Variants in CALCR observed in about 807,000 individuals in gnomAD.
CALCR encodes the protein calcitonin receptor.
In CALCR, 47 loss-of-function variants were observed where a neutral mutation model predicts 59.5. That is an observed-to-expected ratio of 0.79 (90% CI 0.63 to 1.01). The LOEUF (loss-of-function observed/expected upper bound fraction) is 1.01, where lower values mean the gene tolerates loss of function less well. CALCR is among the 50% of genes least tolerant of loss of function. The pLI is 0.00. For missense variants in CALCR, 566 were observed against 597.1 expected (o/e 0.95, Z 0.54); for synonymous variants, 213 against 211.3 (o/e 1.01, Z -0.07).
intron 2 of CALCR, among the ~76,000 whole-genome samples, chr7:93,522,774 T>C (rs982724234): frequency 6.6e-6 from 1 of 152,168 alleles, no homozygotes; most frequent in Non-Finnish European, 1.5e-5. Flanking sequence ...TTTTGTACAG[T>C]TCCTCTCATG....
chr7:93,551,431 A>G (rs1789455378), intron 2 of CALCR, among the ~76,000 whole-genome samples: 1 of 152,212 alleles, frequency 6.6e-6, no homozygotes, highest in Non-Finnish European at 1.5e-5. Context: ...TTTTGATTAC[A>G]TGATTCACAT....
At chr7:93,480,662 G>A (rs376201006) in intron 3 of CALCR, among the ~76,000 whole-genome samples, 3 of 151,694 alleles carry the variant, frequency 2.0e-5, no homozygotes, top group African/African-American at 4.8e-5. Context: ...TGTCCTACAC[G>A]ACAGCACATC....
rs868547013 is a variant in CALCR, at chr7:93,448,164, C to T, written c.649-4407G>A. 4.6e-5 allele frequency among the ~76,000 whole-genome samples: 7 copies of T among 152,048 alleles called. No homozygotes were observed. The East Asian group carries it at 7.8e-4, about 17-fold the overall frequency. On this transcript the variant is annotated intron_variant, in intron 8 of 13. Coordinates refer to ENST00000426151, the MANE Select transcript of CALCR (RefSeq NM_001742.4). ...TATACTTAATTCTCATGATACATTTCGTGTGCACAAAAACTCTTAGCTTTC... is the reference window on the plus strand; with the variant it reads ...TATACTTAATTCTCATGATACATTTTGTGTGCACAAAAACTCTTAGCTTTC...
intron 2 of CALCR, chr7:93,495,982 TA>T: frequency 7.0e-7 from 1 of 1,428,908 alleles, no homozygotes; most frequent in South Asian, 1.3e-5. Context: ...ATTCTGTGAA[TA>T]AATAAAATGA....
rs1491408851 is a variant in CALCR at position 93,460,555 on chromosome 7, A to AAG, written c.648+265_648+266insCT. On this transcript the variant is annotated intron_variant, in intron 8 of 13. Coordinates refer to ENST00000426151, the MANE Select transcript of CALCR (RefSeq NM_001742.4). ...TGGGCAACAGAGTGAGACTCTATCT[A>AAG]AAAAAAAAAAAAAAAAAATATATAT... Among the ~76,000 whole-genome samples the AAG allele has an allele frequency of 1.5e-3, 124 of 80,114 alleles. 4 individuals are homozygous for AAG. The highest frequency in any genetic ancestry group is 0.011 in the African/African-American group (113 of 10,112). 52.6% of individuals were successfully genotyped at this position (80,114 alleles called of 152,430 possible).
chr7:93,441,547 G>T, intron 9 of CALCR: 1 of 414,510 alleles, frequency 2.4e-6, no homozygotes. Flanking sequence ...TGGAAGGCTG[G>T]GGCTAAAAGA....
chr7:93,431,597 C>T lies in CALCR; in HGVS notation c.1191+2656G>A, dbSNP rs533553168. The stretch of plus-strand genomic sequence containing the variant: ...CATTAAAACTTGGTAGCCAGTTGCT[C>T]TTTTGGACAAAGGCTTTTTGAATTG... On this transcript the variant is annotated intron_variant, in intron 13 of 13. Transcript: ENST00000426151. Among the ~76,000 whole-genome samples the T allele has an allele frequency of 1.3e-4, 20 of 152,276 alleles. No individual in the cohort carries two copies. The East Asian group carries it at 3.5e-3, about 26-fold the overall frequency.
chr7:93,551,238 T>C (rs1201320107), intron 2 of CALCR, among the ~76,000 whole-genome samples: 11 of 152,182 alleles, frequency 7.2e-5, no homozygotes. Context: ...TAACAGAGTG[T>C]TAACACTGCG....
intron 2 of CALCR, among the ~76,000 whole-genome samples, chr7:93,496,692 T>C (rs995358873): frequency 6.6e-6 from 1 of 151,560 alleles, no homozygotes; most frequent in Non-Finnish European, 1.5e-5. Flanking sequence ...ATGAGGAATG[T>C]GGGCAAAGAG....
At chr7:93,561,958 G>A (rs1789760951) in intron 2 of CALCR, among the ~76,000 whole-genome samples, 1 of 151,842 alleles carries the variant, frequency 6.6e-6, no homozygotes, top group South Asian at 2.1e-4. Flanking sequence ...CTGGTTATAC[G>A]ATCTCTATGT....
At chr7:93,528,372 CA>C (rs1328084278) in intron 2 of CALCR, among the ~76,000 whole-genome samples, 2 of 152,174 alleles carry the variant, frequency 1.3e-5, no homozygotes, top group African/African-American at 2.4e-5. Flanking sequence ...TGGTGCGCTG[CA>C]CCCATTAACT....
chr7:93,540,663 T>C (rs1275043770), intron 2 of CALCR, among the ~76,000 whole-genome samples: 4 of 124,494 alleles, frequency 3.2e-5, no homozygotes, highest in African/African-American at 7.8e-5. Context: ...TCAAACTTTA[T>C]GACAGCTCTA....
chr7:93,439,576 T>C (rs1352194902), intron 9 of CALCR, among the ~76,000 whole-genome samples: 1 of 152,192 alleles, frequency 6.6e-6, no homozygotes, highest in East Asian at 1.9e-4. Context: ...CTATGATGCC[T>C]CCTTTTAGGT....
chr7:93,498,761 A>T (rs1801262796), intron 2 of CALCR, among the ~76,000 whole-genome samples: 2 of 151,704 alleles, frequency 1.3e-5, no homozygotes, highest in Admixed American at 6.6e-5. Context: ...ATAGACTGTC[A>T]TATATGAAGA....
chr7:93,450,046 G>A (rs1243491057), intron 8 of CALCR, among the ~76,000 whole-genome samples: 3 of 152,014 alleles, frequency 2.0e-5, no homozygotes, highest in Admixed American at 2.0e-4. Context: ...ATATTCCATG[G>A]CCATTTGCAC....
intron 5 of CALCR, 24 bp downstream of exon 5, chr7:93,477,534 A>G: frequency 6.7e-7 from 1 of 1,489,698 alleles, no homozygotes; most frequent in Non-Finnish European, 9.3e-7. Context: ...TAGCAAGAAC[A>G]TAAAATGAAA....
intron 5 of CALCR, among the ~76,000 whole-genome samples, chr7:93,472,765 T>C (rs982399920): frequency 1.3e-5 from 2 of 149,404 alleles, no homozygotes. Flanking sequence ...AGCTTGAGAT[T>C]GAACCAGGAT....
intron 6 of CALCR, among the ~76,000 whole-genome samples, chr7:93,471,595 C>T (rs1800554806): frequency 6.6e-6 from 1 of 151,752 alleles, no homozygotes; most frequent in South Asian, 2.1e-4. Context: ...CTATCTTTGA[C>T]AGAAATAATA....
chr7:93,456,307 C>T (rs920990006), intron 8 of CALCR, among the ~76,000 whole-genome samples: 2 of 151,978 alleles, frequency 1.3e-5, no homozygotes, highest in African/African-American at 4.8e-5. Flanking sequence ...ATGATATTGC[C>T]CCATTGATCA....
Sources: allele counts gnomAD v4.1 joint callset (sites outside exome capture counted in the v4.1 genomes callset), GRCh38; gene constraint gnomAD v4.1.1; transcripts MANE v1.5; gene names NCBI Gene and HGNC (gene_info 2026-07-23, HGNC 2026-07-21).